SDK1: variants seen among roughly 807,000 people sequenced by gnomAD.
SDK1 encodes the protein sidekick cell adhesion molecule 1, also known as protein sidekick-1.
Under a neutral mutation model 245.5 loss-of-function variants are expected in SDK1, and 157 were observed. The observed-to-expected ratio is 0.64, with a 90% CI of 0.56 to 0.73. The LOEUF (loss-of-function observed/expected upper bound fraction) is 0.73. Among genes scored for constraint, SDK1 ranks in the 30% least tolerant of loss-of-function variants. The pLI is 0.00. For missense variants in SDK1, 3,583 were observed against 3,002.3 expected (o/e 1.19, Z -4.52); for synonymous variants, 1,647 against 1,278.5 (o/e 1.29, Z -6.15).
Position 3,640,779 on chromosome 7 carries a change from G to T in SDK1, c.566-1179G>T, listed in dbSNP as rs1057504873. 2.0e-5 allele frequency among the ~76,000 whole-genome samples: 3 copies of T among 151,926 alleles called. No individual in the cohort carries two copies. In the South Asian group the frequency reaches 6.2e-4, roughly 32 times the overall value. On this transcript the variant is annotated intron_variant, in intron 3 of 44. Coordinates refer to ENST00000404826, the MANE Select transcript of SDK1 (RefSeq NM_152744.4). Reference sequence around the variant, plus strand: ...ACTCACCGCAACCTCCGCCTCCTAGGTTCAAGTGATTCTCCTGCTTCAGCC... The same window carrying T: ...ACTCACCGCAACCTCCGCCTCCTAGTTTCAAGTGATTCTCCTGCTTCAGCC...
chr7:4,083,428 G>A (rs913498873), intron 22 of SDK1, among the ~76,000 whole-genome samples: 1 of 151,858 alleles, frequency 6.6e-6, no homozygotes, highest in Non-Finnish European at 1.5e-5. Context: ...GATGCACCTG[G>A]TTACATCCTT....
intron 17 of SDK1, among the ~76,000 whole-genome samples, chr7:4,043,120 G>T (rs147246529): frequency 2.2e-5 from 2 of 92,072 alleles, no homozygotes; most frequent in African/African-American, 8.7e-5. Context: ...ACAGCCAGGG[G>T]CTCAGGTAGA....
chr7:3,869,251 G>A (rs957226590), intron 5 of SDK1, among the ~76,000 whole-genome samples: 13 of 151,434 alleles, frequency 8.6e-5, no homozygotes, highest in Non-Finnish European at 1.5e-5. Context: ...CACCTCCCGG[G>A]TTCAAGCGAT....
At chr7:3,710,051 T>C (rs375459265) in intron 4 of SDK1, among the ~76,000 whole-genome samples, 3 of 152,376 alleles carry the variant, frequency 2.0e-5, no homozygotes, top group African/African-American at 7.2e-5. Flanking sequence ...ATCAGAGATT[T>C]TATTAAAACT....
rs1044395691 is a variant in SDK1, at chr7:3,950,770, A to G, written c.848-153A>G. ...AAGTTGAAAAGCCCTGCGTGGAGCC[A>G]TCATACATCAGGGACAATTTGTGTC... On this transcript the variant is annotated intron_variant, in intron 5 of 44. Coordinates refer to ENST00000404826, the MANE Select transcript of SDK1 (RefSeq NM_152744.4). The G allele has an allele frequency of 5.7e-5, 35 of 611,400 alleles. No individual in the cohort carries two copies. The East Asian group carries it at 7.7e-4, about 13-fold the overall frequency. 37.9% of individuals were successfully genotyped at this position (611,400 alleles called of 1,614,324 possible).
In SDK1 at chr7:3,773,934, G is replaced by C. The variant is rs183616985; in HGVS notation, c.714-47516G>C. Among the ~76,000 whole-genome samples the C allele has an allele frequency of 1.4e-4, 22 of 152,176 alleles. No homozygotes were observed. In the East Asian group the frequency reaches 3.7e-3, roughly 25 times the overall value. ...GGGGATAAAAGAATACTGGCCTTTGGCCAGGCACGGTGGCTCATGCCTGTA... is the reference window on the plus strand; with the variant it reads ...GGGGATAAAAGAATACTGGCCTTTGCCCAGGCACGGTGGCTCATGCCTGTA... On this transcript the variant is annotated intron_variant, in intron 4 of 44. Coordinates refer to ENST00000404826, the MANE Select transcript of SDK1 (RefSeq NM_152744.4).
chr7:3,320,832 C>G (rs1430901601), intron 1 of SDK1, among the ~76,000 whole-genome samples: 2 of 151,922 alleles, frequency 1.3e-5, no homozygotes, highest in African/African-American at 2.4e-5. Flanking sequence ...AAATGTTTAA[C>G]AATTTTGGTA....
intron 5 of SDK1, among the ~76,000 whole-genome samples, chr7:3,831,057 A>G (rs991516776): frequency 3.3e-5 from 5 of 152,164 alleles, no homozygotes; most frequent in African/African-American, 9.7e-5. Flanking sequence ...GATATGAAAG[A>G]TAAGGAATTT....
intron 10 of SDK1, among the ~76,000 whole-genome samples, chr7:3,967,856 C>T (rs1782197073): frequency 1.3e-5 from 2 of 152,244 alleles, no homozygotes; most frequent in African/African-American, 2.4e-5. Flanking sequence ...CCAAACAGGT[C>T]TGCAGCCCAG....
At chr7:3,619,020 G>T (rs953237913) in intron 1 of SDK1, 60 bp from the exon 2 acceptor site, 5 of 1,284,978 alleles carry the variant, frequency 3.9e-6, no homozygotes, top group Non-Finnish European at 5.4e-6. Flanking sequence ...TATTAAATTA[G>T]ATGAGTGCCA....
intron 4 of SDK1, among the ~76,000 whole-genome samples, chr7:3,740,410 C>T (rs1310258319): frequency 6.6e-6 from 1 of 152,148 alleles, no homozygotes; most frequent in Non-Finnish European, 1.5e-5. Flanking sequence ...AGCCCCAGTT[C>T]ATATTGCTGC....
In SDK1 at chr7:4,067,909, C is replaced by T; in HGVS notation, c.2983C>T (p.Pro995Ser). The T allele has an allele frequency of 6.2e-7, 1 of 1,612,526 alleles. No homozygotes were observed. Among genetic ancestry groups the T allele is most frequent in the African/African-American group, 1.3e-5 (1 of 75,036 alleles). The change falls in exon 20 of 45, where the codon CCC (proline) becomes TCC (serine). Residue 995 changes from proline to serine, a missense_variant. Pro to Ser is a moderately conservative substitution (Grantham distance 74). Transcript: ENST00000404826. ...ATCTCTCAAGGTCAGCTGGCAGGAGCCCCTGGAGAAAAATGGCATCATTAC... is the reference window on the plus strand; with the variant it reads ...ATCTCTCAAGGTCAGCTGGCAGGAGTCCCTGGAGAAAAATGGCATCATTAC... ...DTSLKVSWQEPLEKNGIITGY... is the reference protein window; with the variant it reads ...DTSLKVSWQESLEKNGIITGY...
chr7:3,551,895 A>T (rs903247384), intron 1 of SDK1, among the ~76,000 whole-genome samples: 11 of 152,166 alleles, frequency 7.2e-5, no homozygotes, highest in African/African-American at 2.4e-4. Flanking sequence ...AGAATTATTT[A>T]GAATTAGAAA....
chr7:3,499,205 G>A (rs957639858), intron 1 of SDK1, among the ~76,000 whole-genome samples: 1 of 152,172 alleles, frequency 6.6e-6, no homozygotes, highest in African/African-American at 2.4e-5. Flanking sequence ...GTGTCCTTAA[G>A]ATCGACATCT....
intron 4 of SDK1, among the ~76,000 whole-genome samples, chr7:3,657,008 A>G (rs1013530557): frequency 6.6e-6 from 1 of 151,936 alleles, no homozygotes; most frequent in African/African-American, 2.4e-5. Flanking sequence ...CGGCCTCCCA[A>G]AGTGCTGGGA....
At chr7:3,566,137 G>T (rs1020371296) in intron 1 of SDK1, among the ~76,000 whole-genome samples, 2 of 151,390 alleles carry the variant, frequency 1.3e-5, no homozygotes, top group Non-Finnish European at 1.5e-5. Context: ...GGAGGTAGTC[G>T]TAAAAAGGTG....
At chr7:3,941,838 C>G (rs1780379823) in intron 5 of SDK1, among the ~76,000 whole-genome samples, 1 of 152,002 alleles carries the variant, frequency 6.6e-6, no homozygotes, top group Non-Finnish European at 1.5e-5. Flanking sequence ...GTTACAGTTG[C>G]AGTCATCCTG....
At chr7:4,195,780 C>T (rs1015496521) in intron 35 of SDK1, among the ~76,000 whole-genome samples, 9 of 152,110 alleles carry the variant, frequency 5.9e-5, no homozygotes, top group Non-Finnish European at 7.4e-5. Flanking sequence ...GAAGCAGTGC[C>T]GCAGGAGCTC....
At chr7:4,174,509 C>T (rs577369389) in intron 33 of SDK1, 152 bp downstream of exon 33, 1 of 849,376 alleles carries the variant, frequency 1.2e-6, no homozygotes, top group East Asian at 2.5e-5. Context: ...GCGGGTTTAC[C>T]CACCAGGGGC....
Sources: gnomAD v4.1 joint callset for allele counts (sites outside exome capture counted in the v4.1 genomes callset) on GRCh38, gnomAD v4.1.1 for gene constraint, MANE v1.5 for transcripts, NCBI Gene and HGNC (gene_info 2026-07-23, HGNC 2026-07-21) for gene names.